FTO: variants seen among roughly 807,000 people sequenced by gnomAD.
The protein encoded by FTO is FTO alpha-ketoglutarate dependent dioxygenase.
Under a neutral mutation model 63.9 loss-of-function variants are expected in FTO, and 47 were observed. The ratio of observed to expected loss-of-function variants is 0.74; its 90% CI spans 0.58 to 0.94. FTO has a LOEUF of 0.94. Ranked by LOEUF, FTO falls within the 40% of genes least tolerant of loss-of-function variation. The pLI is 0.00. For synonymous variants in FTO, 207 were observed against 224.4 expected, an observed-to-expected ratio of 0.92 and a Z score of 0.69; for missense variants, 562 against 618.1, an observed-to-expected ratio of 0.91 and a Z score of 0.96.
intron 1 of FTO, among the ~76,000 whole-genome samples, chr16:53,710,266 C>CT (rs564940054): frequency 0.018 from 2,428 of 132,832 alleles, 37 homozygotes; most frequent in Middle Eastern, 0.076. Flanking sequence ...CAGATTTTGC[C>CT]TTTTTTTTTT....
At chr16:53,867,081 T>C (rs2151864930) in intron 4 of FTO, among the ~76,000 whole-genome samples, 1 of 152,232 alleles carries the variant, frequency 6.6e-6, no homozygotes, top group Middle Eastern at 3.4e-3. Flanking sequence ...TTTTGGTAAG[T>C]TGTGTTTTCA....
At chr16:54,017,720 A>T (rs566530061) in intron 8 of FTO, among the ~76,000 whole-genome samples, 13 of 152,140 alleles carry the variant, frequency 8.5e-5, no homozygotes, top group Non-Finnish European at 1.8e-4. Context: ...AAGAAAAGAA[A>T]AGTCAGAGTT....
intron 4 of FTO, among the ~76,000 whole-genome samples, chr16:53,871,499 T>TTA (rs200100946): frequency 1.6e-3 from 240 of 151,378 alleles, no homozygotes; most frequent in African/African-American, 5.1e-3. Flanking sequence ...GAAGCTTCAC[T>TTA]TATATATATA....
intron 7 of FTO, among the ~76,000 whole-genome samples, chr16:53,927,375 G>A (rs113050265): frequency 1.3e-5 from 2 of 152,258 alleles, no homozygotes; most frequent in Admixed American, 6.5e-5. Flanking sequence ...AGGGAAATAC[G>A]GTGGAAGGAG....
chr16:54,090,174 T>C (rs769550994), intron 8 of FTO, among the ~76,000 whole-genome samples: 1 of 152,246 alleles, frequency 6.6e-6, no homozygotes, highest in Non-Finnish European at 1.5e-5. Context: ...ATGTGTTATA[T>C]GCATACAGTG....
At chr16:53,744,835 C>A (rs201206367) in intron 1 of FTO, among the ~76,000 whole-genome samples, 2 of 14,138 alleles carry the variant, frequency 1.4e-4, no homozygotes, top group Non-Finnish European at 2.9e-4. Context: ...TCCCCCCCCC[C>A]ATATATGAAT....
chr16:53,825,768 C>T, intron 2 of FTO, 96 bp from the exon 3 acceptor site: 2 of 1,452,574 alleles, frequency 1.4e-6, no homozygotes, highest in Admixed American at 1.7e-5. Flanking sequence ...GTAGTCCCCC[C>T]ACAACTCCCC....
chr16:53,966,827 C>T (rs776230506), intron 8 of FTO, among the ~76,000 whole-genome samples: 2 of 152,184 alleles, frequency 1.3e-5, no homozygotes, highest in Non-Finnish European at 2.9e-5. Flanking sequence ...GCTCCAGGAC[C>T]TTCTGCCATG....
chr16:53,746,963 CTG>C (rs2076665365), intron 1 of FTO, among the ~76,000 whole-genome samples: 1 of 152,184 alleles, frequency 6.6e-6, no homozygotes, highest in South Asian at 2.1e-4. Flanking sequence ...ATTTGTCCTT[CTG>C]TACCTGGCTT....
At chr16:53,868,761 A>G (rs1021184730) in intron 4 of FTO, among the ~76,000 whole-genome samples, 2 of 152,086 alleles carry the variant, frequency 1.3e-5, no homozygotes, top group Admixed American at 6.5e-5. Context: ...TTCTTGCAAT[A>G]CAAGTCTACT....
At chr16:53,721,153 C>CT (rs1412567961) in intron 1 of FTO, among the ~76,000 whole-genome samples, 1 of 152,152 alleles carries the variant, frequency 6.6e-6, no homozygotes, top group Non-Finnish European at 1.5e-5. Flanking sequence ...CTTAGGAGCC[C>CT]TGCCCCAATC....
intron 1 of FTO, among the ~76,000 whole-genome samples, chr16:53,747,752 C>T (rs568896397): frequency 1.3e-5 from 2 of 152,102 alleles, no homozygotes; most frequent in East Asian, 3.9e-4. Flanking sequence ...GACGAATGTC[C>T]TGTAGTTTAT....
chr16:53,833,288 T>C (rs1442233194), intron 3 of FTO, among the ~76,000 whole-genome samples: 2 of 152,236 alleles, frequency 1.3e-5, no homozygotes, highest in Non-Finnish European at 2.9e-5. Context: ...GATATGTCTT[T>C]ATGAGCAGCA....
intron 7 of FTO, among the ~76,000 whole-genome samples, chr16:53,928,946 C>T (rs112936938): frequency 0.015 from 2,207 of 152,020 alleles, 47 homozygotes; most frequent in African/African-American, 0.05. Flanking sequence ...TGGGTTCAAG[C>T]GATTCTCCTG....
intron 1 of FTO, among the ~76,000 whole-genome samples, chr16:53,784,353 A>C (rs2077675680): frequency 6.6e-6 from 1 of 152,296 alleles, no homozygotes; most frequent in South Asian, 2.1e-4. Context: ...GTGTCTTTTC[A>C]TGTGGGTTAG....
chr16:53,932,391 G>GT (rs2082304559), intron 7 of FTO, among the ~76,000 whole-genome samples: 1 of 150,280 alleles, frequency 6.7e-6, no homozygotes, highest in South Asian at 2.1e-4. Context: ...ATTCTGATGT[G>GT]GTTTTTTTTT....
chr16:53,946,417 C>T lies in FTO; in HGVS notation c.1364+12308C>T, dbSNP rs755178933. 1.9e-4 allele frequency among the ~76,000 whole-genome samples: 29 copies of T among 152,120 alleles called. No individual in the cohort carries two copies. In the East Asian group the frequency reaches 1.9e-3, roughly 10 times the overall value. On this transcript the variant is annotated intron_variant, in intron 8 of 8. Coordinates refer to ENST00000471389, the MANE Select transcript of FTO (RefSeq NM_001080432.3). ...TCAACTTTGGATAGGGTGCTCAGGA[C>T]GTTACTTTTTAGTTTAATAAACCTT...
At chr16:53,850,355 G>A (rs2079754933) in intron 4 of FTO, among the ~76,000 whole-genome samples, 1 of 151,494 alleles carries the variant, frequency 6.6e-6, no homozygotes, top group Non-Finnish European at 1.5e-5. Context: ...TTTTTCCAGG[G>A]ATGAGGATGT....
intron 7 of FTO, among the ~76,000 whole-genome samples, chr16:53,929,917 G>A (rs1399787146): frequency 6.6e-6 from 1 of 152,170 alleles, no homozygotes; most frequent in Non-Finnish European, 1.5e-5. Context: ...GTAGGGAAGT[G>A]CACCCACAAT....
Sources: allele counts gnomAD v4.1 joint callset (sites outside exome capture counted in the v4.1 genomes callset), GRCh38; gene constraint gnomAD v4.1.1; transcripts MANE v1.5; gene names NCBI Gene and HGNC (gene_info 2026-07-23, HGNC 2026-07-21).